The following CDH19 variants were observed in gnomAD, a reference collection of about 807,000 sequenced individuals.
CDH19 encodes cadherin 19, also known as cadherin-19.
Under a neutral mutation model 64.2 loss-of-function variants are expected in CDH19, and 67 were observed. The observed-to-expected ratio is 1.04, with a 90% CI of 0.86 to 1.28. CDH19 has a LOEUF of 1.28. CDH19 is among the 50% of genes most tolerant of loss of function. The pLI, the probability that CDH19 is intolerant of heterozygous loss-of-function variation, is 0.00. For missense variants in CDH19, 1,030 were observed against 929.0 expected, an observed-to-expected ratio of 1.11 and a Z score of -1.41; for synonymous variants, 346 against 319.3, an observed-to-expected ratio of 1.08 and a Z score of -0.89.
At position 66,504,952 on chromosome 18, in the gene CDH19, C is replaced by G; in HGVS notation, c.2179G>C (p.Gly727Arg). 1.9e-6 allele frequency: 3 copies of G among 1,613,466 alleles called. No homozygotes were observed. The highest frequency in any genetic ancestry group is 2.5e-6 in the Non-Finnish European group (3 of 1,179,712). Reference protein sequence around the residue: ...SLQTYAFEGTGSLAGSLSSLE... With the variant: ...SLQTYAFEGTRSLAGSLSSLE... The stretch of plus-strand genomic sequence containing the variant: ...GAGCTCAGGGATCCAGCTAATGACC[C>G]TGTTCCCTCAAAAGCGTAGGTCTGG... The change falls in exon 12 of 12, where the codon GGG becomes CGG. Residue 727 changes from glycine to arginine, a missense_variant. Gly to Arg is a moderately radical substitution (Grantham distance 125). Transcript: ENST00000262150.
At position 66,544,000 on chromosome 18, in the gene CDH19, T is replaced by G; in HGVS notation, c.1185A>C (p.Thr395=). The G allele has an allele frequency of 6.2e-7, 1 of 1,613,448 alleles. No homozygotes were observed. The highest frequency in any genetic ancestry group is 8.5e-7 in the Non-Finnish European group (1 of 1,179,398). ...QGSFVGVVSA[T]DPDNRKSPIR... ...TAGGAGATTTCCTATTGTCTGGGTC[T>G]GTGGCAGACACCACGCCTACAAATG... Residue 395 remains threonine, a synonymous_variant, in exon 7 of 12, where the codon ACA becomes ACC. Transcript: ENST00000262150.
At chr18:66,603,328 A>G (rs1294904251) in intron 1 of CDH19, among the ~76,000 whole-genome samples, 5 of 151,278 alleles carry the variant, frequency 3.3e-5, no homozygotes, top group Non-Finnish European at 7.4e-5. Context: ...TTCTTAATTT[A>G]TACTTTCATA....
At chr18:66,557,056 C>T (rs1398002558) in intron 3 of CDH19, among the ~76,000 whole-genome samples, 1 of 151,918 alleles carries the variant, frequency 6.6e-6, no homozygotes, top group Non-Finnish European at 1.5e-5. Flanking sequence ...AGCAATCCCA[C>T]TACTGGGTAT....
Position 66,587,685 on chromosome 18 carries a change from G to A in CDH19, c.-112-15369C>T, listed in dbSNP as rs114170425. ...CTCGTCTTTATTGCTTCCTAGTTTG[G>A]CAATCAGTAGTTGAAGGATGGTGGA... On this transcript the variant is annotated intron_variant, in intron 1 of 11. Coordinates refer to ENST00000262150, the MANE Select transcript of CDH19 (RefSeq NM_021153.4). 4.1e-3 allele frequency among the ~76,000 whole-genome samples: 629 copies of A among 152,170 alleles called. 4 individuals carry two copies. The highest frequency in any genetic ancestry group is 0.014 in the African/African-American group (600 of 41,548).
chr18:66,546,553 A>T (rs938271696), intron 5 of CDH19, among the ~76,000 whole-genome samples: 10 of 152,198 alleles, frequency 6.6e-5, no homozygotes, highest in African/African-American at 2.4e-4. Flanking sequence ...TTTATTGAAC[A>T]TAATTTTTAC....
intron 9 of CDH19, among the ~76,000 whole-genome samples, chr18:66,515,966 T>C (rs1985718094): frequency 6.6e-6 from 1 of 151,784 alleles, no homozygotes; most frequent in Admixed American, 6.6e-5. Flanking sequence ...TCAAGCAGAA[T>C]TGCAAACTTA....
At chr18:66,586,178 A>C (rs575743106) in intron 1 of CDH19, among the ~76,000 whole-genome samples, 47 of 152,240 alleles carry the variant, frequency 3.1e-4, no homozygotes, top group African/African-American at 1.1e-3. Flanking sequence ...ATGGCAATTA[A>C]TATAATGTCT....
At chr18:66,576,235 A>G (rs1988262432) in intron 1 of CDH19, among the ~76,000 whole-genome samples, 1 of 151,590 alleles carries the variant, frequency 6.6e-6, no homozygotes, top group African/African-American at 2.4e-5. Flanking sequence ...TAAAAAAATC[A>G]AAGTATGAGA....
rs752697144 is a variant in CDH19 at position 66,535,066 on chromosome 18, TTATCATTG to T, written c.1248_1255del (p.Asn417TrpfsTer7). 1 of 1,506,048 alleles carries T rather than the reference TTATCATTG, an allele frequency of 6.6e-7. No individual in the cohort carries two copies. The highest frequency in any genetic ancestry group is 1.3e-5 in the South Asian group (1 of 76,058). The allele number at this position is 1,506,048 out of a possible 1,614,324, so 93.3% of individuals were successfully genotyped here. On this transcript the variant is annotated frameshift_variant, in exon 8 of 12. Transcript: ENST00000262150. LOFTEE classifies it high-confidence loss of function. ...TGAGTTACTTGTAGTGATTGTACCA[TTATCATTG>T]ATATTGAACACTTTGCTCCTAGTAA...
At chr18:66,549,985 C>T (rs769460329) in intron 5 of CDH19, among the ~76,000 whole-genome samples, 4 of 151,748 alleles carry the variant, frequency 2.6e-5, no homozygotes, top group African/African-American at 4.8e-5. Flanking sequence ...AGGAATGGGG[C>T]AAGGAACAGA....
At chr18:66,590,166 T>C (rs544199881) in intron 1 of CDH19, among the ~76,000 whole-genome samples, 4 of 151,932 alleles carry the variant, frequency 2.6e-5, no homozygotes, top group Admixed American at 2.6e-4. Context: ...CAGCTACTGA[T>C]TCATGAGCTG....
chr18:66,561,542 G>A (rs1237060850), intron 3 of CDH19, among the ~76,000 whole-genome samples: 1 of 152,120 alleles, frequency 6.6e-6, no homozygotes, highest in African/African-American at 2.4e-5. Context: ...AAATTAATGA[G>A]ATCCTTGAAA....
rs751054749 is a variant in CDH19, at chr18:66,504,175, C to A, written c.*637G>T. 2.6e-5 allele frequency: 4 copies of A among 151,388 alleles called. No individual in the cohort carries two copies. Among genetic ancestry groups the A allele is most frequent in the Non-Finnish European group, 4.4e-5 (3 of 67,810 alleles). The allele number at this position is 151,388 out of a possible 1,614,324, so 9.4% of individuals were successfully genotyped here. A position where few individuals can be genotyped will look rare whatever the true frequency, so the allele number is the denominator to read the frequency against. On this transcript the variant is annotated 3_prime_UTR_variant, in exon 12 of 12. Transcript: ENST00000262150. ...TGGTTTTATAAGGCTTTTATTCATA[C>A]AAAAGTTCTGTGATCCCCAGAAAGC...
At position 66,529,858 on chromosome 18, in the gene CDH19, G is replaced by A. The variant is rs1340641739; in HGVS notation, c.1445C>T (p.Ala482Val). Residue 482 changes from alanine (A) to valine (V), a missense_variant, in exon 9 of 12, where the codon GCA becomes GTA. Ala to Val is a moderately conservative substitution (Grantham distance 64). Transcript: ENST00000262150. ...ATGAGTCCTTACCTGACCAGAGCCT[G>A]CATTTTCACAAACATAAGTCTCATA... ...QYYETYVCEN[A>V]GSGQVIQTIS... 5 of 1,591,258 alleles carry A rather than the reference G, an allele frequency of 3.1e-6. No homozygotes were observed. The highest frequency in any genetic ancestry group is 4.3e-6 in the Non-Finnish European group (5 of 1,167,116).
At chr18:66,547,665 T>TAAATGTGTAATATATA (rs1568191355) in intron 5 of CDH19, among the ~76,000 whole-genome samples, 1 of 133,578 alleles carries the variant, frequency 7.5e-6, no homozygotes, top group African/African-American at 2.9e-5. Flanking sequence ...TGTTAGGTTT[T>TAAATGTGTAATATATA]TTTTTTTTTT....
intron 3 of CDH19, among the ~76,000 whole-genome samples, 160 bp from the exon 4 acceptor site, chr18:66,554,684 G>GT (rs1193133494): frequency 6.6e-6 from 1 of 151,646 alleles, no homozygotes; most frequent in Admixed American, 6.6e-5. Context: ...TTTTTTTGTT[G>GT]TTTTTTATTT....
intron 3 of CDH19, among the ~76,000 whole-genome samples, chr18:66,556,516 C>A (rs1425552736): frequency 6.6e-6 from 1 of 151,676 alleles, no homozygotes; most frequent in Non-Finnish European, 1.5e-5. Context: ...TAAGATCATG[C>A]AATATTTTTA....
intron 5 of CDH19, among the ~76,000 whole-genome samples, chr18:66,546,216 C>T (rs1368824761): frequency 6.6e-6 from 1 of 152,002 alleles, no homozygotes; most frequent in African/African-American, 2.4e-5. Context: ...GCATTTGAGA[C>T]CTTACTTTTT....
Position 66,568,546 on chromosome 18 carries a change from T to C in CDH19, c.360A>G (p.Ile120Met), listed in dbSNP as rs1158242401. The change falls in exon 3 of 12, where the codon ATA becomes ATG. Residue 120 changes from isoleucine (I) to methionine (M), a missense_variant. By Grantham distance (10) the Ile-to-Met change is conservative. Coordinates refer to ENST00000262150, the MANE Select transcript of CDH19 (RefSeq NM_021153.4). ...CCACAGCCCTTCCAGTAGCGATGTC[T>C]ATTACCTGGGCTCTTAAGATGTAGA... ...RSLYILRAQV[I>M]DIATGRAVEP... The C allele has an allele frequency of 6.2e-7, 1 of 1,612,418 alleles. No individual in the cohort carries two copies. The highest frequency in any genetic ancestry group is 1.1e-5 in the South Asian group (1 of 91,052).
Sources: allele counts gnomAD v4.1 joint callset (sites outside exome capture counted in the v4.1 genomes callset), GRCh38; gene constraint gnomAD v4.1.1; transcripts MANE v1.5; gene names NCBI Gene and HGNC (gene_info 2026-07-23, HGNC 2026-07-21).